The following ABCC4 variants were observed in gnomAD, a reference collection of about 807,000 sequenced individuals.
ABCC4 encodes ATP binding cassette subfamily C member 4 (PEL blood group).
Under a neutral mutation model 168.5 loss-of-function variants are expected in ABCC4, and 102 were observed. The ratio of observed to expected loss-of-function variants is 0.61; its 90% CI spans 0.52 to 0.71. ABCC4 has a LOEUF of 0.71. Among genes scored for constraint, ABCC4 ranks in the 30% least tolerant of loss-of-function variants. The probability of loss-of-function intolerance (pLI) is 0.00; values close to 1 mark genes in which losing one functional copy is unlikely to be tolerated. For synonymous variants in ABCC4, 617 were observed against 590.7 expected, an observed-to-expected ratio of 1.04 and a Z score of -0.65; for missense variants, 1,402 against 1,605.8, an observed-to-expected ratio of 0.87 and a Z score of 2.17.
chr13:95,076,503 G>A (rs1225330489), intron 21 of ABCC4, among the ~76,000 whole-genome samples: 1 of 141,128 alleles, frequency 7.1e-6, no homozygotes, highest in Non-Finnish European at 1.5e-5. Context: ...TTTGTGTGGT[G>A]TAGGTTTTTT....
chr13:95,021,230 G>A lies in ABCC4; in HGVS notation c.*345C>T. ...TGGAAATTAACATGTAATTTTGGGG[G>A]CAATAAAAACAACAACAAAAACCTG... On this transcript the variant is annotated 3_prime_UTR_variant, in exon 31 of 31. Coordinates refer to ENST00000645237, the MANE Select transcript of ABCC4 (RefSeq NM_005845.5). The A allele has an allele frequency of 5.4e-6, 1 of 186,424 alleles. No individual in the cohort carries two copies. Among genetic ancestry groups the A allele is most frequent in the Non-Finnish European group, 1.1e-5 (1 of 90,930 alleles). The allele number at this position is 186,424 out of a possible 1,614,324, so 11.5% of individuals were successfully genotyped here. A position where few individuals can be genotyped will look rare whatever the true frequency, so the allele number is the denominator to read the frequency against.
At chr13:95,124,483 G>A (rs192607565) in intron 19 of ABCC4, among the ~76,000 whole-genome samples, 1 of 150,558 alleles carries the variant, frequency 6.6e-6, no homozygotes, top group Non-Finnish European at 1.5e-5. Context: ...TTTGAGCCCA[G>A]GAGTTTGATG....
intron 4 of ABCC4, among the ~76,000 whole-genome samples, chr13:95,221,308 A>G (rs1448166941): frequency 1.3e-5 from 2 of 152,174 alleles, no homozygotes; most frequent in African/African-American, 4.8e-5. Context: ...GGCTCACTGA[A>G]GCCTCAACTT....
intron 7 of ABCC4, 117 bp from the exon 8 acceptor site, chr13:95,206,898 T>G: frequency 2.4e-6 from 3 of 1,232,426 alleles, no homozygotes; most frequent in Non-Finnish European, 3.4e-6. Flanking sequence ...ACCCAGGAGT[T>G]TGAGACCATC....
intron 1 of ABCC4, among the ~76,000 whole-genome samples, chr13:95,296,330 A>G (rs1566609622): frequency 2.0e-5 from 3 of 151,748 alleles, no homozygotes; most frequent in African/African-American, 4.8e-5. Flanking sequence ...CAAGAAAAAT[A>G]TTTTTTTTAT....
At chr13:95,191,141 C>A (rs940556790) in intron 9 of ABCC4, among the ~76,000 whole-genome samples, 1 of 152,196 alleles carries the variant, frequency 6.6e-6, no homozygotes, top group African/African-American at 2.4e-5. Flanking sequence ...CTCAAGCGGG[C>A]ATGTGCAATT....
intron 1 of ABCC4, among the ~76,000 whole-genome samples, chr13:95,299,101 T>A (rs2041610227): frequency 6.8e-6 from 1 of 146,472 alleles, no homozygotes; most frequent in African/African-American, 2.7e-5. Context: ...CAAAAAAAAT[T>A]TTTTTTTATT....
chr13:95,266,654 G>A (rs535538497), intron 1 of ABCC4, among the ~76,000 whole-genome samples: 1 of 151,950 alleles, frequency 6.6e-6, no homozygotes, highest in African/African-American at 2.4e-5. Context: ...CAGAGCCCTC[G>A]CACCAACAAG....
intron 1 of ABCC4, among the ~76,000 whole-genome samples, chr13:95,274,833 T>C (rs2040934008): frequency 6.6e-6 from 1 of 152,150 alleles, no homozygotes; most frequent in Admixed American, 6.6e-5. Context: ...TCCCAGCACT[T>C]TGGGAGGCCG....
At chr13:95,151,660 C>CATA (rs1433648893) in intron 19 of ABCC4, among the ~76,000 whole-genome samples, 2 of 150,562 alleles carry the variant, frequency 1.3e-5, no homozygotes, top group African/African-American at 5.0e-5. Flanking sequence ...GAGAAGAAAT[C>CATA]ATCATCATCA....
Position 95,161,246 on chromosome 13 carries a change from T to C in ABCC4, c.2398A>G (p.Lys800Glu). Residue 800 changes from lysine (K) to glutamate (E), a missense_variant, in exon 19 of 31, where the codon AAA becomes GAA. Coordinates refer to ENST00000645237, the MANE Select transcript of ABCC4 (RefSeq NM_005845.5). ...GCTTTCAGAATTGACTCAAACATTT[T>C]GTTGTGCAAAGTTTGTGAAGAGTTA... ...LVNSSQTLHNKMFESILKAPV... is the reference protein window; with the variant it reads ...LVNSSQTLHNEMFESILKAPV... The C allele has an allele frequency of 6.2e-7, 1 of 1,611,484 alleles. No homozygotes were observed. Among genetic ancestry groups the C allele is most frequent in the Non-Finnish European group, 8.5e-7 (1 of 1,179,544 alleles).
At chr13:95,245,185 C>T (rs894912826) in intron 3 of ABCC4, among the ~76,000 whole-genome samples, 2 of 152,238 alleles carry the variant, frequency 1.3e-5, no homozygotes, top group Non-Finnish European at 2.9e-5. Context: ...CAGCCCTGAG[C>T]ATGACAAGCT....
intron 19 of ABCC4, among the ~76,000 whole-genome samples, chr13:95,128,037 A>G (rs1050407404): frequency 6.6e-6 from 1 of 152,228 alleles, no homozygotes; most frequent in African/African-American, 2.4e-5. Flanking sequence ...TTTGATCCTC[A>G]GGGATCTTCT....
chr13:95,165,255 T>C (rs1177231136), intron 15 of ABCC4, among the ~76,000 whole-genome samples: 1 of 151,956 alleles, frequency 6.6e-6, no homozygotes, highest in Non-Finnish European at 1.5e-5. Context: ...CTCAACACAG[T>C]AACTGGGGTC....
At chr13:95,075,325 G>A in intron 22 of ABCC4, 107 bp downstream of exon 22, 1 of 1,465,336 alleles carries the variant, frequency 6.8e-7, no homozygotes, top group Non-Finnish European at 9.3e-7. Flanking sequence ...GCAGGATGTG[G>A]GGCTGGGCCC....
intron 25 of ABCC4, among the ~76,000 whole-genome samples, chr13:95,066,958 G>A (rs1280201402): frequency 6.6e-6 from 1 of 152,228 alleles, no homozygotes; most frequent in African/African-American, 2.4e-5. Flanking sequence ...ACTACTGTGA[G>A]CCAAGACAGT....
intron 25 of ABCC4, among the ~76,000 whole-genome samples, chr13:95,064,735 A>G (rs1309470388): frequency 6.6e-6 from 1 of 152,076 alleles, no homozygotes; most frequent in East Asian, 1.9e-4. Context: ...GCTGCCTACA[A>G]CCATAAGACT....
intron 19 of ABCC4, among the ~76,000 whole-genome samples, chr13:95,128,456 T>C (rs1237347450): frequency 3.9e-5 from 6 of 152,226 alleles, no homozygotes; most frequent in Non-Finnish European, 8.8e-5. Context: ...CTCAATTACA[T>C]GATTCTGAAT....
intron 19 of ABCC4, among the ~76,000 whole-genome samples, chr13:95,141,009 G>C (rs1056811868): frequency 6.6e-6 from 1 of 152,150 alleles, no homozygotes; most frequent in African/African-American, 2.4e-5. Context: ...AATAATACTG[G>C]TGGAGGCTCA....
Sources: allele counts gnomAD v4.1 joint callset (sites outside exome capture counted in the v4.1 genomes callset), GRCh38; gene constraint gnomAD v4.1.1; transcripts MANE v1.5; gene names NCBI Gene and HGNC (gene_info 2026-07-23, HGNC 2026-07-21).